Variants in CCDC85C observed in about 807,000 individuals in gnomAD.
CCDC85C encodes coiled-coil domain-containing protein 85C.
A neutral mutation model predicts 38.3 loss-of-function variants in CCDC85C; 18 were observed. The ratio of observed to expected loss-of-function variants is 0.47; its 90% CI spans 0.33 to 0.70. CCDC85C has a LOEUF of 0.70. Ranked by LOEUF, CCDC85C falls within the 30% of genes least tolerant of loss-of-function variation. The probability of loss-of-function intolerance (pLI) is 0.03; values close to 1 mark genes in which losing one functional copy is unlikely to be tolerated. For missense variants in CCDC85C, 566 were observed against 621.2 expected (o/e 0.91, Z 0.94); for synonymous variants, 264 against 293.8 (o/e 0.90, Z 1.04).
rs1270796352 is a variant in CCDC85C, at chr14:99,576,158, A to T, written c.793+27009T>A. ...ATCCCACAAAGAGGGCCAGGGGTAC[A>T]TCCAAGGCATAAACAGACCACAAGT... is the stretch of plus-strand genomic sequence containing the variant. On this transcript the variant is annotated intron_variant, in intron 1 of 5. Coordinates refer to ENST00000380243, the MANE Select transcript of CCDC85C (RefSeq NM_001144995.2). The surrounding 1 kb of genome is among the most constrained non-coding windows in gnomAD (Gnocchi z 4.8). Among the ~76,000 whole-genome samples, 3 of 152,220 alleles carry T rather than the reference A, an allele frequency of 2.0e-5. No homozygotes were observed. The highest frequency in any genetic ancestry group is 4.4e-5 in the Non-Finnish European group (3 of 68,036).
At chr14:99,530,092 T>C (rs1339510099) in intron 2 of CCDC85C, among the ~76,000 whole-genome samples, 2 of 152,212 alleles carry the variant, frequency 1.3e-5, no homozygotes, top group Non-Finnish European at 2.9e-5. Flanking sequence ...GCACTTGGCC[T>C]GTCAGCCCTG....
chr14:99,545,341 C>T lies in CCDC85C; in HGVS notation c.794-9253G>A, dbSNP rs1439691926. On this transcript the variant is annotated intron_variant, in intron 1 of 5. Coordinates refer to ENST00000380243, the MANE Select transcript of CCDC85C (RefSeq NM_001144995.2). This position sits in a 1 kb window ranked among gnomAD's most constrained non-coding sequence, Gnocchi z 4.7. The stretch of plus-strand genomic sequence containing the variant: ...GAGGGGGCAGCTGAATGGAAAGCCC[C>T]GCTCCGGCTCAGTTCATCTAGAATG... 6.6e-6 allele frequency among the ~76,000 whole-genome samples: 1 copy of T among 152,136 alleles called. No homozygotes were observed. Among genetic ancestry groups the T allele is most frequent in the African/African-American group, 2.4e-5 (1 of 41,438 alleles).
rs1453022673 is a variant in CCDC85C at position 99,576,016 on chromosome 14, G to A, written c.793+27151C>T. On this transcript the variant is annotated intron_variant, in intron 1 of 5. Transcript: ENST00000380243. This position sits in a 1 kb window ranked among gnomAD's most constrained non-coding sequence, Gnocchi z 4.8. ...AACTGAGCTGCAACAGAAAACCCGG[G>A]GGAAACCCGCTGCTGTGACCACCCC... Among the ~76,000 whole-genome samples the A allele has an allele frequency of 6.6e-6, 1 of 152,146 alleles. No individual in the cohort carries two copies.
intron 1 of CCDC85C, among the ~76,000 whole-genome samples, chr14:99,596,529 C>T (rs2055144781): frequency 6.6e-6 from 1 of 152,226 alleles, no homozygotes. Flanking sequence ...TGGAGGTCAG[C>T]GGTGACCTGC....
At chr14:99,586,343 C>T (rs1566783047) in intron 1 of CCDC85C, among the ~76,000 whole-genome samples, 1 of 152,364 alleles carries the variant, frequency 6.6e-6, no homozygotes, top group East Asian at 1.9e-4. Flanking sequence ...GCCACAAATG[C>T]CCCTCACAGG....
chr14:99,592,007 G>A (rs2055093255), intron 1 of CCDC85C, among the ~76,000 whole-genome samples: 2 of 152,150 alleles, frequency 1.3e-5, no homozygotes, highest in South Asian at 4.1e-4. Context: ...GTGCTGGAAT[G>A]ACAGGCGCGA....
At chr14:99,595,391 C>T (rs988982962) in intron 1 of CCDC85C, among the ~76,000 whole-genome samples, 13 of 152,162 alleles carry the variant, frequency 8.5e-5, no homozygotes, top group East Asian at 1.9e-4. Context: ...GCATTACAGG[C>T]GCGTGCCACC....
chr14:99,502,800 C>A lies in CCDC85C; in HGVS notation c.*12446G>T. ...CACACCCCCCATCAGCTGCAACAGCCCCCATCTCTTCAGCCTACACCACAA... is the reference window on the plus strand; with the variant it reads ...CACACCCCCCATCAGCTGCAACAGCACCCATCTCTTCAGCCTACACCACAA... On this transcript the variant is annotated 3_prime_UTR_variant, in exon 6 of 6. Coordinates refer to ENST00000380243, the MANE Select transcript of CCDC85C (RefSeq NM_001144995.2). 6.2e-7 allele frequency: 1 copy of A among 1,613,774 alleles called. No homozygotes were observed. The highest frequency in any genetic ancestry group is 8.5e-7 in the Non-Finnish European group (1 of 1,179,866).
In CCDC85C at chr14:99,516,206, G is replaced by A. The variant is rs367673467; in HGVS notation, c.1152C>T (p.Ile384=). Residue 384 remains isoleucine (I), a synonymous_variant, in exon 5 of 6, where the codon ATC becomes ATT. Coordinates refer to ENST00000380243, the MANE Select transcript of CCDC85C (RefSeq NM_001144995.2). This position sits in a 1 kb window ranked among gnomAD's most constrained non-coding sequence, Gnocchi z 5.5. ...GCCTCACGTTGCACATCTCGCGAAC[G>A]ATGGCCTTCTCCTTCTCACTCAGGT... is the stretch of plus-strand genomic sequence containing the variant. ...EEDLSEKEKA[I]VREMCNVVWR... 118 of 1,551,128 alleles carry A rather than the reference G, an allele frequency of 7.6e-5. No homozygotes were observed. The highest frequency in any genetic ancestry group is 9.3e-5 in the Non-Finnish European group (107 of 1,146,904).
At chr14:99,519,445 T>A (rs1897274268) in intron 3 of CCDC85C, among the ~76,000 whole-genome samples, 1 of 151,410 alleles carries the variant, frequency 6.6e-6, no homozygotes, top group African/African-American at 2.4e-5. Flanking sequence ...ACAAGGAGAG[T>A]GAGGCTAAGA....
Position 99,569,537 on chromosome 14 carries a change from C to A in CCDC85C, c.794-33449G>T, listed in dbSNP as rs1250213553. Among the ~76,000 whole-genome samples, 2 of 152,188 alleles carry A rather than the reference C, an allele frequency of 1.3e-5. No individual in the cohort carries two copies. Among genetic ancestry groups the A allele is most frequent in the Non-Finnish European group, 2.9e-5 (2 of 68,024 alleles). On this transcript the variant is annotated intron_variant, in intron 1 of 5. Transcript: ENST00000380243. This position sits in a 1 kb window ranked among gnomAD's most constrained non-coding sequence, Gnocchi z 4.3. ...AGCCACAAAAACCAATGCCACCTACCCAGGAAGGCTTTGAACAGACAAGAG... is the reference window on the plus strand; with the variant it reads ...AGCCACAAAAACCAATGCCACCTACACAGGAAGGCTTTGAACAGACAAGAG...
Position 99,510,674 on chromosome 14 carries a change from C to T in CCDC85C, c.*4572G>A. 7.0e-7 allele frequency: 1 copy of T among 1,420,566 alleles called. No homozygotes were observed. Among genetic ancestry groups the T allele is most frequent in the South Asian group, 1.5e-5 (1 of 65,590 alleles). 88.0% of individuals were successfully genotyped at this position (1,420,566 alleles called of 1,614,324 possible). On this transcript the variant is annotated 3_prime_UTR_variant, in exon 6 of 6. Transcript: ENST00000380243. ...GGTTGGGCCTGCCGCCAGCCAGCTACCCACCTCCTGCCGTCCCCCCTGGAG... is the reference window on the plus strand; with the variant it reads ...GGTTGGGCCTGCCGCCAGCCAGCTATCCACCTCCTGCCGTCCCCCCTGGAG...
intron 1 of CCDC85C, among the ~76,000 whole-genome samples, chr14:99,584,321 C>G (rs191023545): frequency 2.6e-5 from 4 of 152,154 alleles, no homozygotes; most frequent in African/African-American, 7.2e-5. Context: ...TTCTCTGTAC[C>G]TCCACCAGCG....
At chr14:99,554,038 A>T (rs1231249740) in intron 1 of CCDC85C, among the ~76,000 whole-genome samples, 1 of 152,144 alleles carries the variant, frequency 6.6e-6, no homozygotes, top group African/African-American at 2.4e-5. Context: ...GAGCTGCTGC[A>T]GACCCTCTCC....
Position 99,519,913 on chromosome 14 carries a change from C to T in CCDC85C, c.975+2220G>A, listed in dbSNP as rs538582377. ...TGCTGGTGGCTGGGAGGAAGGGGGA[C>T]GGGAGTGACGGCCGATGGGTACAGG... is the stretch of plus-strand genomic sequence containing the variant. On this transcript the variant is annotated intron_variant, in intron 3 of 5. Coordinates refer to ENST00000380243, the MANE Select transcript of CCDC85C (RefSeq NM_001144995.2). Among the ~76,000 whole-genome samples, 10 of 152,230 alleles carry T rather than the reference C, an allele frequency of 6.6e-5. No homozygotes were observed. In the South Asian group the frequency reaches 2.1e-3, roughly 32 times the overall value.
rs756548583 is a variant in CCDC85C, at chr14:99,502,695, A to G, written c.*12551T>C. Reference sequence around the variant, plus strand: ...TATTTAAAATACCAATTTGTGTAAAATGTAATTGTTGGCTATCATTTAGAC... The same window carrying G: ...TATTTAAAATACCAATTTGTGTAAAGTGTAATTGTTGGCTATCATTTAGAC... On this transcript the variant is annotated 3_prime_UTR_variant, in exon 6 of 6. Coordinates refer to ENST00000380243, the MANE Select transcript of CCDC85C (RefSeq NM_001144995.2). 1.2e-6 allele frequency: 2 copies of G among 1,605,336 alleles called. No individual in the cohort carries two copies. The highest frequency in any genetic ancestry group is 8.5e-7 in the Non-Finnish European group (1 of 1,172,268).
In CCDC85C at chr14:99,502,578, G is replaced by A. The variant is rs1032758235; in HGVS notation, c.*12668C>T. 2 of 1,194,610 alleles carry A rather than the reference G, an allele frequency of 1.7e-6. No homozygotes were observed. The highest frequency in any genetic ancestry group is 1.5e-5 in the African/African-American group (1 of 65,178). 74.0% of individuals were successfully genotyped at this position (1,194,610 alleles called of 1,614,324 possible). On this transcript the variant is annotated 3_prime_UTR_variant, in exon 6 of 6. Coordinates refer to ENST00000380243, the MANE Select transcript of CCDC85C (RefSeq NM_001144995.2). ...TAAACTAAAAATACACACCAGTGTTGCACACAACGAAGATGGGGTGAGTTG... is the reference window on the plus strand; with the variant it reads ...TAAACTAAAAATACACACCAGTGTTACACACAACGAAGATGGGGTGAGTTG...
chr14:99,599,909 G>C (rs910067698), intron 1 of CCDC85C, among the ~76,000 whole-genome samples: 10 of 152,166 alleles, frequency 6.6e-5, no homozygotes, highest in Admixed American at 3.3e-4. Context: ...AGCAGCCAAG[G>C]AGAAAAGCCT....
In CCDC85C at chr14:99,576,891, G is replaced by A. The variant is rs1346431080; in HGVS notation, c.793+26276C>T. 2.6e-5 allele frequency among the ~76,000 whole-genome samples: 4 copies of A among 151,872 alleles called. No individual in the cohort carries two copies. The highest frequency in any genetic ancestry group is 2.1e-4 in the South Asian group (1 of 4,820). ...GGCAGCACTCTCTCCGGGTCACCCC[G>A]GATGCCTTCAGCACAGCTCCTACCC... On this transcript the variant is annotated intron_variant, in intron 1 of 5. Transcript: ENST00000380243. The surrounding 1 kb of genome is among the most constrained non-coding windows in gnomAD (Gnocchi z 4.8).
Sources: gnomAD v4.1 joint callset for allele counts (sites outside exome capture counted in the v4.1 genomes callset) on GRCh38, gnomAD v4.1.1 for gene constraint, Gnocchi (gnomAD v3.1) non-coding constraint, MANE v1.5 for transcripts, NCBI Gene and HGNC (gene_info 2026-07-23, HGNC 2026-07-21) for gene names.